MTAP: variants seen among roughly 807,000 people sequenced by gnomAD.
MTAP encodes the protein S-methyl-5'-thioadenosine phosphorylase.
MTAP carries 33 observed loss-of-function variants against 33.6 expected under a neutral mutation model. That is an observed-to-expected ratio of 0.98 (90% CI 0.74 to 1.31). The LOEUF is 1.31. MTAP is among the 40% of genes most tolerant of loss of function. The pLI is 0.00. For missense variants in MTAP, 367 were observed against 360.0 expected (o/e 1.02, Z -0.16); for synonymous variants, 148 against 125.7 (o/e 1.18, Z -1.19).
At chr9:21,912,080 G>A (rs1401116081) in intron 1 of MTAP, among the ~76,000 whole-genome samples, 1 of 152,118 alleles carries the variant, frequency 6.6e-6, no homozygotes, top group Non-Finnish European at 1.5e-5. Context: ...GACTAAACCA[G>A]GAAGAAGTTG....
rs551320434 is a variant in MTAP at position 21,892,628 on chromosome 9, T to C, written c.147+37758T>C. On this transcript the variant is annotated intron_variant, in intron 1 of 1. Coordinates refer to the MTAP transcript ENST00000577563. ...CACTCAGATTTATAAGACAAGTTCT[T>C]AAAGACCTTGATTCCACAAAGAGAC... The C allele has an allele frequency of 9.2e-4, 140 of 152,328 alleles. 1 individual carries two copies. The highest frequency in any genetic ancestry group is 3.2e-3 in the African/African-American group (133 of 41,576). 9.4% of individuals were successfully genotyped at this position (152,328 alleles called of 1,614,324 possible).
chr9:21,919,928 G>C (rs987628855), intron 1 of MTAP, among the ~76,000 whole-genome samples: 1 of 152,128 alleles, frequency 6.6e-6, no homozygotes, highest in African/African-American at 2.4e-5. Flanking sequence ...AAGCAAATCT[G>C]ACTGATTTTT....
At chr9:21,907,420 T>G (rs1377092784) in intron 1 of MTAP, among the ~76,000 whole-genome samples, 3 of 152,114 alleles carry the variant, frequency 2.0e-5, no homozygotes, top group African/African-American at 7.2e-5. Context: ...TAGCTGGGCA[T>G]GATGGCAGGT....
intron 4 of MTAP, among the ~76,000 whole-genome samples, chr9:21,826,609 TTTATTATTATTATTATTATTA>T (rs149631009): frequency 2.1e-5 from 3 of 140,882 alleles, no homozygotes; most frequent in African/African-American, 2.7e-5. Context: ...TGGGGTTTTG[TTTATTATTATTATTATTATTA>T]TTATTATTAT....
chr9:21,917,966 T>A (rs1818717547), intron 1 of MTAP, among the ~76,000 whole-genome samples: 1 of 152,200 alleles, frequency 6.6e-6, no homozygotes, highest in South Asian at 2.1e-4. Context: ...TGGAGGTCAT[T>A]ATTGTAAGTG....
At chr9:21,829,358 G>T (rs575554173) in intron 4 of MTAP, among the ~76,000 whole-genome samples, 2 of 151,830 alleles carry the variant, frequency 1.3e-5, no homozygotes, top group African/African-American at 4.8e-5. Context: ...ACTACACGTT[G>T]GTTCTTTCTT....
At chr9:21,861,935 C>A in intron 7 of MTAP, 41 bp from the exon 8 acceptor site, 2 of 1,115,194 alleles carry the variant, frequency 1.8e-6, no homozygotes, top group Non-Finnish European at 2.7e-6. Flanking sequence ...TCAGTAATTA[C>A]GCCAACATGT....
chr9:21,894,298 T>C (rs12345733), intron 1 of MTAP, among the ~76,000 whole-genome samples: 2 of 150,294 alleles, frequency 1.3e-5, no homozygotes, highest in African/African-American at 4.9e-5. Flanking sequence ...GCTAACATCA[T>C]ACTCAACAGG....
chr9:21,924,685 C>A (rs1047407479), intron 1 of MTAP, among the ~76,000 whole-genome samples: 1 of 152,184 alleles, frequency 6.6e-6, no homozygotes, highest in Admixed American at 6.5e-5. Context: ...CAAACCCTAC[C>A]CTTTGGCCCC....
At chr9:21,825,384 A>C (rs932460451) in intron 4 of MTAP, among the ~76,000 whole-genome samples, 4 of 151,624 alleles carry the variant, frequency 2.6e-5, no homozygotes, top group Non-Finnish European at 4.4e-5. Context: ...TTCCTTATAC[A>C]CTCTGAGATG....
At chr9:21,938,273 C>CA (rs373456978), downstream of MTAP, among the ~76,000 whole-genome samples, 16,660 of 112,872 alleles carry the variant, frequency 0.15, 1,077 homozygotes, top group African/African-American at 0.17. Context: ...GAGTCCTTCT[C>CA]AAAAAAAAAA....
In MTAP at chr9:21,866,440, T is replaced by G. The variant is rs1471531095; in HGVS notation, c.*4426T>G. 1.3e-5 allele frequency: 2 copies of G among 152,180 alleles called. No homozygotes were observed. Among genetic ancestry groups the G allele is most frequent in the Non-Finnish European group, 2.9e-5 (2 of 68,032 alleles). The allele number at this position is 152,180 out of a possible 1,614,324, so 9.4% of individuals were successfully genotyped here. A position where few individuals can be genotyped will look rare whatever the true frequency, so the allele number is the denominator to read the frequency against. ...TGCTTTTTGTGTGTTCCAAGAAATCTTTGCCTACTCATTTAATTACCTGTG... is the reference window on the plus strand; with the variant it reads ...TGCTTTTTGTGTGTTCCAAGAAATCGTTGCCTACTCATTTAATTACCTGTG... On this transcript the variant is annotated 3_prime_UTR_variant, in exon 8 of 8. Transcript: ENST00000644715.
At chr9:21,810,177 A>G (rs772898180) in intron 1 of MTAP, among the ~76,000 whole-genome samples, 5 of 152,168 alleles carry the variant, frequency 3.3e-5, no homozygotes, top group Non-Finnish European at 7.3e-5. Flanking sequence ...GAAGTCCAAG[A>G]TCAAGGTGAG....
At chr9:21,930,042 G>T in intron 1 of MTAP, 1 of 416,500 alleles carries the variant, frequency 2.4e-6, no homozygotes. Flanking sequence ...TGCCAGCAAT[G>T]CCCAAGCTCA....
chr9:21,917,101 A>T (rs1158534150), intron 1 of MTAP, among the ~76,000 whole-genome samples: 2 of 152,248 alleles, frequency 1.3e-5, no homozygotes, highest in Non-Finnish European at 2.9e-5. Context: ...TTTAATCTAA[A>T]CTATTGGAAA....
intron 5 of MTAP, 82 bp from the exon 6 acceptor site, chr9:21,854,549 C>G (rs1484075104): frequency 1.4e-6 from 2 of 1,450,524 alleles, no homozygotes; most frequent in East Asian, 4.7e-5. Context: ...AAGAAATCAA[C>G]TTGGTAAACA....
chr9:21,903,575 T>A (rs2118814526), intron 1 of MTAP, among the ~76,000 whole-genome samples: 1 of 152,250 alleles, frequency 6.6e-6, no homozygotes, highest in East Asian at 1.9e-4. Context: ...TATGAGTCAT[T>A]TCCTGAAAAT....
At chr9:21,906,270 A>G (rs1445827104) in intron 1 of MTAP, among the ~76,000 whole-genome samples, 1 of 152,250 alleles carries the variant, frequency 6.6e-6, no homozygotes, top group Non-Finnish European at 1.5e-5. Flanking sequence ...TGAAAACGGG[A>G]TAAAAGAAAA....
chr9:21,883,637 G>A (rs1022012243), intron 1 of MTAP, among the ~76,000 whole-genome samples: 1 of 151,414 alleles, frequency 6.6e-6, no homozygotes, highest in Non-Finnish European at 1.5e-5. Flanking sequence ...AAAGACAAAC[G>A]TGAAAGAGTT....
Sources: allele counts gnomAD v4.1 joint callset (sites outside exome capture counted in the v4.1 genomes callset), GRCh38; gene constraint gnomAD v4.1.1; transcripts MANE v1.5; gene names NCBI Gene and HGNC (gene_info 2026-07-23, HGNC 2026-07-21).